The following PALM2AKAP2 variants were observed in gnomAD, a reference collection of about 807,000 sequenced individuals.
PALM2AKAP2 encodes the protein PALM2-AKAP2 fusion protein.
PALM2AKAP2 carries 37 observed loss-of-function variants against 71.5 expected under a neutral mutation model. The observed-to-expected ratio is 0.52, with a 90% CI of 0.40 to 0.68. The LOEUF (loss-of-function observed/expected upper bound fraction) is 0.68, where lower values mean the gene tolerates loss of function less well. Among genes scored for constraint, PALM2AKAP2 ranks in the 30% least tolerant of loss-of-function variants. PALM2AKAP2 has a pLI of 0.00. For missense variants in PALM2AKAP2, 1,224 were observed against 1,191.8 expected (o/e 1.03, Z -0.40); for synonymous variants, 468 against 478.8 (o/e 0.98, Z 0.29).
intron 6 of PALM2AKAP2, among the ~76,000 whole-genome samples, chr9:109,955,099 T>C (rs965595262): frequency 7.2e-5 from 11 of 152,194 alleles, no homozygotes; most frequent in African/African-American, 2.7e-4. Flanking sequence ...TTTGAGCATG[T>C]GACCCCTAAT....
chr9:109,953,341 T>G (rs1831678231), intron 6 of PALM2AKAP2, among the ~76,000 whole-genome samples: 1 of 152,212 alleles, frequency 6.6e-6, no homozygotes, highest in Non-Finnish European at 1.5e-5. Flanking sequence ...GGATTTCCTT[T>G]AATCTCACAT....
At chr9:109,682,940 T>A (rs575061518) in intron 1 of PALM2AKAP2, among the ~76,000 whole-genome samples, 114 of 152,314 alleles carry the variant, frequency 7.5e-4, no homozygotes, top group African/African-American at 2.4e-3. Context: ...ATCCCCAATG[T>A]TGGAGGTAGG....
chr9:110,005,523 T>G (rs1055096067), intron 6 of PALM2AKAP2, among the ~76,000 whole-genome samples: 4 of 152,214 alleles, frequency 2.6e-5, no homozygotes, highest in Admixed American at 6.5e-5. Flanking sequence ...TCCAGCTGTG[T>G]GCTGGGAGAA....
chr9:110,117,734 G>A (rs921953715), intron 1 of PALM2AKAP2, among the ~76,000 whole-genome samples: 3 of 152,092 alleles, frequency 2.0e-5, no homozygotes, highest in African/African-American at 7.2e-5. Context: ...CCATTCGTGA[G>A]GTCAGAGCCC....
rs77298556 is a variant in PALM2AKAP2 at position 109,882,317 on chromosome 9, A to G, written c.257+1636A>G. Among the ~76,000 whole-genome samples, 725 of 152,362 alleles carry G rather than the reference A, an allele frequency of 4.8e-3. 5 individuals are homozygous for G. The highest frequency in any genetic ancestry group is 0.017 in the African/African-American group (697 of 41,588). ...CAAGCCAAGTAAATCCCAAAGGCAT[A>G]CGTCAGCCTATGTCCCTACTTTGCT... is the stretch of plus-strand genomic sequence containing the variant. On this transcript the variant is annotated intron_variant, in intron 3 of 9. Transcript: ENST00000302798.
At chr9:109,796,867 G>A (rs1257856004) in intron 1 of PALM2AKAP2, among the ~76,000 whole-genome samples, 1 of 152,222 alleles carries the variant, frequency 6.6e-6, no homozygotes, top group Non-Finnish European at 1.5e-5. Context: ...TTCAAGATGA[G>A]ATGTGGGTGG....
intron 1 of PALM2AKAP2, among the ~76,000 whole-genome samples, chr9:109,745,370 A>C (rs1828783272): frequency 6.6e-6 from 1 of 152,080 alleles, no homozygotes; most frequent in African/African-American, 2.4e-5. Context: ...AAAAAAATAA[A>C]AATAAGGCTC....
chr9:109,887,556 G>A (rs534096979), intron 3 of PALM2AKAP2, among the ~76,000 whole-genome samples: 1 of 152,120 alleles, frequency 6.6e-6, no homozygotes, highest in South Asian at 2.1e-4. Flanking sequence ...CTGGGTAGCG[G>A]CCTAGCTTTT....
At chr9:110,096,116 C>A (rs1446389242) in intron 1 of PALM2AKAP2, among the ~76,000 whole-genome samples, 1 of 152,148 alleles carries the variant, frequency 6.6e-6, no homozygotes, top group Non-Finnish European at 1.5e-5. Flanking sequence ...TATTACTGTT[C>A]CAAAAAGGAA....
intron 1 of PALM2AKAP2, among the ~76,000 whole-genome samples, chr9:109,752,607 G>A (rs184304032): frequency 7.3e-4 from 111 of 152,212 alleles, no homozygotes; most frequent in African/African-American, 2.6e-3. Context: ...AAGCCCAAGG[G>A]GATGAGGGGG....
At chr9:109,652,182 T>C in intron 1 of PALM2AKAP2, among the ~76,000 whole-genome samples, 1 of 152,184 alleles carries the variant, frequency 6.6e-6, no homozygotes, top group East Asian at 1.9e-4. Context: ...GACTTTTATA[T>C]AGTATTTTGA....
intron 1 of PALM2AKAP2, among the ~76,000 whole-genome samples, chr9:109,797,164 A>C (rs538130760): frequency 6.6e-5 from 10 of 152,034 alleles, no homozygotes; most frequent in Admixed American, 5.2e-4. Context: ...TTTCTTCTGC[A>C]TTCACTTTCC....
intron 1 of PALM2AKAP2, among the ~76,000 whole-genome samples, chr9:109,717,860 G>A (rs1828349507): frequency 6.6e-6 from 1 of 152,184 alleles, no homozygotes; most frequent in Admixed American, 6.5e-5. Context: ...CAGGTGCACT[G>A]TGGGCACCAG....
upstream of PALM2AKAP2, chr9:109,780,403 C>G (rs1829422236): frequency 2.5e-6 from 4 of 1,610,654 alleles, no homozygotes; most frequent in Admixed American, 5.0e-5. Flanking sequence ...TAGCAAAGCC[C>G]CCCGGGGTGC....
exon 2 of PALM2AKAP2, chr9:110,136,698 G>T (rs1286402462): frequency 1.9e-6 from 3 of 1,614,048 alleles, no homozygotes; most frequent in Non-Finnish European, 2.5e-6. Flanking sequence ...GTCAGCCCCA[G>T]CTCCACAACC....
intron 1 of PALM2AKAP2, among the ~76,000 whole-genome samples, chr9:109,646,610 CAGATAACTTA>C (rs1258538992): frequency 6.7e-6 from 1 of 149,338 alleles, no homozygotes; most frequent in Non-Finnish European, 1.5e-5. Context: ...CATTAAGTTA[CAGATAACTTA>C]AGGTTCTTAA....
At chr9:110,108,382 G>C (rs1045180571) in intron 1 of PALM2AKAP2, among the ~76,000 whole-genome samples, 1 of 151,930 alleles carries the variant, frequency 6.6e-6, no homozygotes, top group Non-Finnish European at 1.5e-5. Context: ...CAAAGTGCTG[G>C]GATTACAGGC....
intron 1 of PALM2AKAP2, among the ~76,000 whole-genome samples, chr9:110,102,737 C>T (rs796782285): frequency 6.6e-6 from 1 of 152,282 alleles, no homozygotes; most frequent in African/African-American, 2.4e-5. Context: ...CCACGTCATT[C>T]CCCAGCCCAA....
At chr9:109,744,115 T>C (rs1352973112) in intron 1 of PALM2AKAP2, among the ~76,000 whole-genome samples, 1 of 152,102 alleles carries the variant, frequency 6.6e-6, no homozygotes, top group Non-Finnish European at 1.5e-5. Flanking sequence ...AACAAATAAC[T>C]GAACTAAACC....
Sources: gnomAD v4.1 joint callset for allele counts (sites outside exome capture counted in the v4.1 genomes callset) on GRCh38, gnomAD v4.1.1 for gene constraint, MANE v1.5 for transcripts, NCBI Gene and HGNC (gene_info 2026-07-23, HGNC 2026-07-21) for gene names.